The following MTUS2 variants were observed in gnomAD, a reference collection of about 807,000 sequenced individuals.
MTUS2 encodes microtubule associated scaffold protein 2.
In MTUS2, 40 loss-of-function variants were observed where a neutral mutation model predicts 114.1. That is an observed-to-expected ratio of 0.35 (90% CI 0.27 to 0.46). MTUS2 has a LOEUF of 0.46. Ranked by LOEUF, MTUS2 falls within the 20% of genes least tolerant of loss-of-function variation. The probability of loss-of-function intolerance (pLI) is 1.00; values close to 1 mark genes in which losing one functional copy is unlikely to be tolerated. For missense variants in MTUS2, 1,679 were observed against 1,705.4 expected (o/e 0.98, Z 0.27); for synonymous variants, 688 against 672.0 (o/e 1.02, Z -0.37).
intron 6 of MTUS2, among the ~76,000 whole-genome samples, chr13:29,302,848 C>T (rs2139612460): frequency 6.6e-6 from 1 of 152,356 alleles, no homozygotes; most frequent in East Asian, 1.9e-4. Context: ...TTCCTCCTGA[C>T]TGGGTGAGAC....
intron 2 of MTUS2, among the ~76,000 whole-genome samples, chr13:28,979,410 C>G (rs1049965480): frequency 6.6e-6 from 1 of 152,128 alleles, no homozygotes; most frequent in Admixed American, 6.5e-5. Context: ...CAGGCCCTTT[C>G]CATTTTTAAG....
At chr13:29,365,316 G>A (rs541518864) in intron 8 of MTUS2, among the ~76,000 whole-genome samples, 2 of 152,304 alleles carry the variant, frequency 1.3e-5, no homozygotes, top group East Asian at 3.9e-4. Flanking sequence ...ACTCAGAATA[G>A]CGAAGTCTTC....
At chr13:29,110,990 C>T (rs900818997) in intron 5 of MTUS2, among the ~76,000 whole-genome samples, 6 of 152,162 alleles carry the variant, frequency 3.9e-5, no homozygotes, top group African/African-American at 7.2e-5. Context: ...CAGTTAACCT[C>T]GCTGGACTAA....
chr13:29,183,027 T>C (rs1309068865), intron 5 of MTUS2, among the ~76,000 whole-genome samples: 2 of 152,152 alleles, frequency 1.3e-5, no homozygotes, highest in Non-Finnish European at 2.9e-5. Flanking sequence ...CTGTGCGAAA[T>C]GGGAAGCCAG....
At chr13:28,924,371 T>G (rs1354837683) in intron 2 of MTUS2, among the ~76,000 whole-genome samples, 1 of 152,174 alleles carries the variant, frequency 6.6e-6, no homozygotes, top group East Asian at 1.9e-4. Flanking sequence ...TTCATTACCT[T>G]TCTGGATTTG....
At chr13:28,994,278 C>T (rs1040861893) in intron 2 of MTUS2, among the ~76,000 whole-genome samples, 40 of 152,284 alleles carry the variant, frequency 2.6e-4, no homozygotes, top group Middle Eastern at 3.4e-3. Context: ...ATATGTGCCA[C>T]ATTTTCTTAA....
At chr13:29,394,489 G>A (rs1873749429) in intron 8 of MTUS2, among the ~76,000 whole-genome samples, 2 of 152,334 alleles carry the variant, frequency 1.3e-5, no homozygotes, top group African/African-American at 4.8e-5. Flanking sequence ...GGCAACTACA[G>A]TCCTTATTAT....
chr13:29,392,146 C>A (rs56900152), intron 8 of MTUS2, among the ~76,000 whole-genome samples: 8 of 137,162 alleles, frequency 5.8e-5, no homozygotes, highest in African/African-American at 8.3e-5. Context: ...AAAAACAAAC[C>A]AAAAAAAAAA....
intron 10 of MTUS2, among the ~76,000 whole-genome samples, chr13:29,481,394 G>C (rs1881163050): frequency 6.6e-6 from 1 of 151,958 alleles, no homozygotes; most frequent in Non-Finnish European, 1.5e-5. Flanking sequence ...GAGCACTGCT[G>C]CTCCTTTCTT....
At chr13:29,233,099 G>A (rs548469911) in intron 5 of MTUS2, among the ~76,000 whole-genome samples, 10 of 152,238 alleles carry the variant, frequency 6.6e-5, no homozygotes, top group African/African-American at 2.4e-4. Flanking sequence ...ATCATGTGTT[G>A]GCCTTACTGT....
intron 8 of MTUS2, among the ~76,000 whole-genome samples, chr13:29,414,844 A>T (rs1875548522): frequency 6.6e-6 from 1 of 151,120 alleles, no homozygotes; most frequent in South Asian, 2.1e-4. Flanking sequence ...CTTTTGGTTT[A>T]TTTTGTTGTA....
At chr13:29,454,048 A>G (rs954330930) in intron 9 of MTUS2, among the ~76,000 whole-genome samples, 2 of 152,260 alleles carry the variant, frequency 1.3e-5, no homozygotes, top group African/African-American at 4.8e-5. Context: ...ATGTTTATAT[A>G]GTAGTCAAGT....
At chr13:29,049,396 G>A (rs1887784743) in intron 4 of MTUS2, among the ~76,000 whole-genome samples, 1 of 152,172 alleles carries the variant, frequency 6.6e-6, no homozygotes, top group African/African-American at 2.4e-5. Flanking sequence ...ATCTCTGACA[G>A]GCTGGCAGGA....
At chr13:29,272,127 A>G (rs1403236458) in intron 5 of MTUS2, among the ~76,000 whole-genome samples, 1 of 152,232 alleles carries the variant, frequency 6.6e-6, no homozygotes, top group Non-Finnish European at 1.5e-5. Flanking sequence ...AATGTGAGAA[A>G]GAAAATATAC....
chr13:29,491,674 G>A (rs906900371), intron 11 of MTUS2, among the ~76,000 whole-genome samples: 3 of 140,074 alleles, frequency 2.1e-5, no homozygotes, highest in African/African-American at 9.3e-5. Flanking sequence ...GTATGCGATT[G>A]TGTGTGGTGT....
chr13:29,428,597 C>CGG, intron 8 of MTUS2: 3 of 160,080 alleles, frequency 1.9e-5, no homozygotes, highest in Non-Finnish European at 4.1e-5. Context: ...CCCTTCCTGG[C>CGG]TCCCGCCCGC....
At chr13:29,288,986 A>C (rs1297660267) in intron 6 of MTUS2, among the ~76,000 whole-genome samples, 1 of 152,228 alleles carries the variant, frequency 6.6e-6, no homozygotes, top group Non-Finnish European at 1.5e-5. Context: ...ATATGCAAAA[A>C]CAAATCTAGC....
At chr13:29,284,485 A>G (rs529672859) in intron 6 of MTUS2, among the ~76,000 whole-genome samples, 4 of 152,302 alleles carry the variant, frequency 2.6e-5, no homozygotes, top group South Asian at 2.1e-4. Context: ...TACATTTTGA[A>G]TGCACCTTGT....
intron 4 of MTUS2, among the ~76,000 whole-genome samples, chr13:29,056,481 G>A (rs771166783): frequency 1.5e-4 from 23 of 151,958 alleles, no homozygotes; most frequent in Non-Finnish European, 2.9e-4. Context: ...GGTCTTTTTC[G>A]GTTGGTAAGC....
Sources: gnomAD v4.1 joint callset for allele counts (sites outside exome capture counted in the v4.1 genomes callset) on GRCh38, gnomAD v4.1.1 for gene constraint, MANE v1.5 for transcripts, NCBI Gene and HGNC (gene_info 2026-07-23, HGNC 2026-07-21) for gene names.